LCLAT1: variants seen among roughly 807,000 people sequenced by gnomAD.
LCLAT1 encodes lysocardiolipin acyltransferase 1, also known as 1-AGP acyltransferase 8.
LCLAT1 carries 11 observed loss-of-function variants against 30.7 expected under a neutral mutation model. The ratio of observed to expected loss-of-function variants is 0.36; its 90% CI spans 0.23 to 0.59. The LOEUF is 0.59. Among genes scored for constraint, LCLAT1 ranks in the 20% least tolerant of loss-of-function variants. The pLI, the probability that LCLAT1 is intolerant of heterozygous loss-of-function variation, is 0.77. For missense variants in LCLAT1, 402 were observed against 458.6 expected, an observed-to-expected ratio of 0.88 and a Z score of 1.13; for synonymous variants, 155 against 151.3, an observed-to-expected ratio of 1.02 and a Z score of -0.18.
At chr2:30,478,687 A>C (rs2120342) in intron 1 of LCLAT1, among the ~76,000 whole-genome samples, 17 of 132,556 alleles carry the variant, frequency 1.3e-4, no homozygotes, top group African/African-American at 3.6e-4. Flanking sequence ...AAATAGATAG[A>C]TAGGTAGGTA....
At chr2:30,542,360 G>A (rs1000457951) in intron 3 of LCLAT1, among the ~76,000 whole-genome samples, 1 of 152,046 alleles carries the variant, frequency 6.6e-6, no homozygotes, top group African/African-American at 2.4e-5. Context: ...TTTATTGTGA[G>A]GCAGGGTCAA....
At chr2:30,536,592 A>G (rs1241041149) in intron 3 of LCLAT1, among the ~76,000 whole-genome samples, 2 of 152,258 alleles carry the variant, frequency 1.3e-5, no homozygotes, top group African/African-American at 4.8e-5. Context: ...AAATGAGGGA[A>G]TTCATCATCA....
At chr2:30,494,642 G>C (rs1266213254) in intron 1 of LCLAT1, among the ~76,000 whole-genome samples, 1 of 151,718 alleles carries the variant, frequency 6.6e-6, no homozygotes, top group East Asian at 1.9e-4. Flanking sequence ...GTGTGTATGG[G>C]GATGCCTAAC....
chr2:30,491,087 A>T (rs945081464), intron 1 of LCLAT1, among the ~76,000 whole-genome samples: 2 of 152,186 alleles, frequency 1.3e-5, no homozygotes, highest in African/African-American at 2.4e-5. Context: ...TTATATTTCT[A>T]TTGGGTATTG....
intron 1 of LCLAT1, among the ~76,000 whole-genome samples, chr2:30,462,028 TC>T: frequency 6.6e-6 from 1 of 152,154 alleles, no homozygotes; most frequent in East Asian, 1.9e-4. Flanking sequence ...CGCCTCGGCC[TC>T]CCAAAGTGCT....
intron 1 of LCLAT1, among the ~76,000 whole-genome samples, chr2:30,496,148 C>G (rs140616273): frequency 6.6e-6 from 1 of 152,226 alleles, no homozygotes; most frequent in East Asian, 1.9e-4. Flanking sequence ...ACAACGAGAT[C>G]TCATGAGAAC....
At position 30,541,400 on chromosome 2, in the gene LCLAT1, GA is replaced by G. The variant is rs956944084; in HGVS notation, c.364+8095del. On this transcript the variant is annotated intron_variant, in intron 3 of 5. Transcript: ENST00000379509. ...GAGTGTGACCCTGTCTCTTAAAAAA[GA>G]AAAAAAAAGTTATTAAACAAAAAAT... Among the ~76,000 whole-genome samples the G allele has an allele frequency of 4.0e-3, 596 of 150,084 alleles. 6 individuals are homozygous for G. The highest frequency in any genetic ancestry group is 0.014 in the African/African-American group (556 of 40,984).
intron 1 of LCLAT1, among the ~76,000 whole-genome samples, chr2:30,464,163 A>G (rs1243835994): frequency 1.3e-5 from 2 of 152,078 alleles, no homozygotes; most frequent in South Asian, 2.1e-4. Context: ...AATTGGAAAC[A>G]TGGTGTCATG....
chr2:30,612,550 CT>C (rs1288063823), intron 5 of LCLAT1, among the ~76,000 whole-genome samples: 1 of 152,166 alleles, frequency 6.6e-6, no homozygotes, highest in Non-Finnish European at 1.5e-5. Flanking sequence ...TGCCTGACAA[CT>C]CATGAAGAAC....
At chr2:30,545,679 G>A (rs1664371280) in intron 3 of LCLAT1, among the ~76,000 whole-genome samples, 1 of 152,100 alleles carries the variant, frequency 6.6e-6, no homozygotes, top group African/African-American at 2.4e-5. Context: ...TGTCTCTGAT[G>A]GTGGTGCATA....
chr2:30,616,374 G>A (rs1667993092), intron 5 of LCLAT1, among the ~76,000 whole-genome samples: 2 of 152,136 alleles, frequency 1.3e-5, no homozygotes, highest in Non-Finnish European at 2.9e-5. Context: ...GAGTTTTACA[G>A]GAGGAATTGA....
At chr2:30,629,911 G>A (rs766216548) in intron 5 of LCLAT1, among the ~76,000 whole-genome samples, 1 of 151,940 alleles carries the variant, frequency 6.6e-6, no homozygotes, top group Non-Finnish European at 1.5e-5. Flanking sequence ...TTATATGACA[G>A]TATTACAGTA....
At chr2:30,481,696 C>T (rs909473858) in intron 1 of LCLAT1, among the ~76,000 whole-genome samples, 1 of 152,068 alleles carries the variant, frequency 6.6e-6, no homozygotes, top group East Asian at 1.9e-4. Context: ...ATGGTAGAGG[C>T]AGAAAGCTGA....
intron 5 of LCLAT1, among the ~76,000 whole-genome samples, chr2:30,569,441 C>T (rs78827052): frequency 0.011 from 1,712 of 152,286 alleles, 38 homozygotes; most frequent in African/African-American, 0.037. Flanking sequence ...AGTCAACTAA[C>T]AGAAGTGTGT....
chr2:30,548,591 C>G (rs111552513), intron 3 of LCLAT1, among the ~76,000 whole-genome samples: 2,028 of 152,104 alleles, frequency 0.013, 35 homozygotes, highest in African/African-American at 0.046. Context: ...TAGCAAACTT[C>G]AGAGAGAGAG....
chr2:30,447,975 A>G (rs1312310758), intron 1 of LCLAT1, among the ~76,000 whole-genome samples: 1 of 151,334 alleles, frequency 6.6e-6, no homozygotes, highest in East Asian at 1.9e-4. Context: ...GGCGGATGCC[A>G]AACCTGATCT....
chr2:30,639,465 A>G (rs1669198309), intron 5 of LCLAT1, among the ~76,000 whole-genome samples: 1 of 148,424 alleles, frequency 6.7e-6, no homozygotes. Flanking sequence ...GTTCAAGTTT[A>G]TTTATCTATT....
chr2:30,502,736 TGATA>T (rs1684459841), intron 1 of LCLAT1, among the ~76,000 whole-genome samples: 1 of 152,162 alleles, frequency 6.6e-6, no homozygotes, highest in Admixed American at 6.6e-5. Context: ...TAATATCTAC[TGATA>T]GATATACCAC....
intron 1 of LCLAT1, among the ~76,000 whole-genome samples, chr2:30,492,303 G>T (rs761791128): frequency 6.6e-6 from 1 of 152,194 alleles, no homozygotes; most frequent in African/African-American, 2.4e-5. Context: ...AGTTTGGGTA[G>T]GGTTACTGTA....
Sources: gnomAD v4.1 joint callset for allele counts (sites outside exome capture counted in the v4.1 genomes callset) on GRCh38, gnomAD v4.1.1 for gene constraint, MANE v1.5 for transcripts, NCBI Gene and HGNC (gene_info 2026-07-23, HGNC 2026-07-21) for gene names.